The following ACTN1 variants were observed in gnomAD, a reference collection of about 807,000 sequenced individuals.
ACTN1 encodes actinin alpha 1.
ACTN1 carries 30 observed loss-of-function variants against 119.6 expected under a neutral mutation model. The observed-to-expected ratio is 0.25, with a 90% CI of 0.19 to 0.34. ACTN1 has a LOEUF of 0.34. Ranked by LOEUF, ACTN1 falls within the 10% of genes least tolerant of loss-of-function variation. ACTN1 has a pLI of 1.00. For synonymous variants in ACTN1, 429 were observed against 472.6 expected (o/e 0.91, Z 1.20); for missense variants, 764 against 1,223.4 (o/e 0.62, Z 5.60).
At chr14:68,961,319 G>A (rs1443162565) in intron 1 of ACTN1, among the ~76,000 whole-genome samples, 1 of 152,142 alleles carries the variant, frequency 6.6e-6, no homozygotes, top group Non-Finnish European at 1.5e-5. Flanking sequence ...TATGATTACC[G>A]CTATCAGAAT....
chr14:68,945,254 G>T lies in ACTN1; in HGVS notation c.106-19582C>A, dbSNP rs115213092. On this transcript the variant is annotated intron_variant, in intron 1 of 21. Coordinates refer to ENST00000394419, the MANE Select transcript of ACTN1 (RefSeq NM_001130004.2). ...AAGGCCCCAGAGAAAAGAGAGTAAGGTCTGTTCAAAAAACTGAAAAAAAAA... is the reference window on the plus strand; with the variant it reads ...AAGGCCCCAGAGAAAAGAGAGTAAGTTCTGTTCAAAAAACTGAAAAAAAAA... Among the ~76,000 whole-genome samples the T allele has an allele frequency of 2.2e-3, 333 of 149,690 alleles. 1 individual carries two copies. The highest frequency in any genetic ancestry group is 7.7e-3 in the African/African-American group (310 of 40,164).
chr14:68,950,448 A>C, intron 1 of ACTN1, among the ~76,000 whole-genome samples: 1 of 110,358 alleles, frequency 9.1e-6, no homozygotes, highest in African/African-American at 4.1e-5. Context: ...TTACCATAAT[A>C]TATATGCGTG....
intron 1 of ACTN1, among the ~76,000 whole-genome samples, chr14:68,936,060 G>A (rs1026200631): frequency 6.7e-6 from 1 of 148,814 alleles, no homozygotes; most frequent in African/African-American, 2.4e-5. Flanking sequence ...AGCTCTGCTA[G>A]CGCAAACAAG....
chr14:68,928,294 C>T (rs147706166), intron 1 of ACTN1, among the ~76,000 whole-genome samples: 2 of 152,260 alleles, frequency 1.3e-5, no homozygotes, highest in Middle Eastern at 3.4e-3. Context: ...CCCTGGGAAA[C>T]AAAACACACC....
chr14:68,936,075 T>C (rs2140460842), intron 1 of ACTN1, among the ~76,000 whole-genome samples: 1 of 149,486 alleles, frequency 6.7e-6, no homozygotes, highest in African/African-American at 2.4e-5. Context: ...AACAAGTCCC[T>C]CCTACCTTGC....
intron 1 of ACTN1, 32 bp downstream of exon 1, chr14:68,978,920 G>A (rs540486408): frequency 1.4e-6 from 2 of 1,443,536 alleles, no homozygotes; most frequent in South Asian, 2.5e-5. Flanking sequence ...GCTGGGGGCT[G>A]GGGGCTGCAG....
intron 8 of ACTN1, among the ~76,000 whole-genome samples, chr14:68,899,327 C>T (rs2033134578): frequency 6.6e-6 from 1 of 150,558 alleles, no homozygotes; most frequent in African/African-American, 2.5e-5. Flanking sequence ...CACAGCGCAC[C>T]TCACCCCTCA....
chr14:68,955,371 C>T (rs2036320392), intron 1 of ACTN1, among the ~76,000 whole-genome samples: 1 of 152,168 alleles, frequency 6.6e-6, no homozygotes, highest in Non-Finnish European at 1.5e-5. Context: ...AGTCTCATGA[C>T]AATGACTAGG....
At chr14:68,969,223 TA>T (rs1295741805) in intron 1 of ACTN1, among the ~76,000 whole-genome samples, 3 of 152,122 alleles carry the variant, frequency 2.0e-5, no homozygotes, top group African/African-American at 7.2e-5. Context: ...CATTTGGAGC[TA>T]AAGTTGGGAA....
chr14:68,932,122 G>A (rs891663300), intron 1 of ACTN1, among the ~76,000 whole-genome samples: 1 of 151,978 alleles, frequency 6.6e-6, no homozygotes, highest in Non-Finnish European at 1.5e-5. Context: ...TCCTGGGTGT[G>A]TCTGTGAGGG....
chr14:68,910,811 C>T (rs113516265), intron 4 of ACTN1, among the ~76,000 whole-genome samples: 4,112 of 152,252 alleles, frequency 0.027, 197 homozygotes, highest in African/African-American at 0.093. Context: ...ATAAGTCTCA[C>T]GAGGTCTGAT....
chr14:68,960,674 G>T (rs1256722351), intron 1 of ACTN1, among the ~76,000 whole-genome samples: 3 of 151,622 alleles, frequency 2.0e-5, no homozygotes, highest in Non-Finnish European at 4.4e-5. Flanking sequence ...ATTTTGGGAA[G>T]CCAGGCGGGG....
chr14:68,926,260 AC>A (rs2034919698), intron 1 of ACTN1, among the ~76,000 whole-genome samples: 1 of 152,178 alleles, frequency 6.6e-6, no homozygotes, highest in African/African-American at 2.4e-5. Flanking sequence ...GGATAGGGGC[AC>A]CCTAAGCTGC....
chr14:68,918,740 A>G (rs2034475798), intron 3 of ACTN1, among the ~76,000 whole-genome samples: 2 of 152,058 alleles, frequency 1.3e-5, no homozygotes, highest in African/African-American at 4.8e-5. Context: ...CTAAAAAAAA[A>G]AAAAGAAAAG....
intron 1 of ACTN1, among the ~76,000 whole-genome samples, chr14:68,965,294 T>C (rs1387072825): frequency 6.6e-6 from 1 of 152,172 alleles, no homozygotes; most frequent in East Asian, 1.9e-4. Flanking sequence ...TTCAAACTGC[T>C]GCAAAGGAGA....
At chr14:68,950,479 A>ATATATATATATATATATATATATAT (rs1566667536) in intron 1 of ACTN1, among the ~76,000 whole-genome samples, 4 of 92,688 alleles carry the variant, frequency 4.3e-5, no homozygotes, top group African/African-American at 3.2e-4. Context: ...TATATATATA[A>ATATATATATATATATATATATATAT]ATCAAACATA....
chr14:68,889,492 T>C (rs999330195), intron 11 of ACTN1, among the ~76,000 whole-genome samples: 1 of 152,226 alleles, frequency 6.6e-6, no homozygotes, highest in Admixed American at 6.5e-5. Flanking sequence ...GCAGACATAA[T>C]TCCTTAAGAT....
chr14:68,875,068 C>T (rs1279454682), intron 21 of ACTN1, 51 bp from the exon 22 acceptor site: 3 of 1,601,484 alleles, frequency 1.9e-6, no homozygotes, highest in African/African-American at 1.3e-5. Flanking sequence ...AGCCGTAAAG[C>T]GGCGCGGCCC....
chr14:68,935,387 A>AT (rs560204692), intron 1 of ACTN1, among the ~76,000 whole-genome samples: 6,768 of 56,480 alleles, frequency 0.12, 1,276 homozygotes, highest in East Asian at 0.2. Context: ...CTCTCTGTTC[A>AT]TTTTTTTTTT....
Sources: gnomAD v4.1 joint callset for allele counts (sites outside exome capture counted in the v4.1 genomes callset) on GRCh38, gnomAD v4.1.1 for gene constraint, MANE v1.5 for transcripts, NCBI Gene and HGNC (gene_info 2026-07-23, HGNC 2026-07-21) for gene names.